Variants in CWH43 observed in about 807,000 individuals in gnomAD.
CWH43 encodes the protein cell wall biogenesis 43 C-terminal homolog.
CWH43 carries 91 observed loss-of-function variants against 85.7 expected under a neutral mutation model. The ratio of observed to expected loss-of-function variants is 1.06; its 90% confidence interval spans 0.90 to 1.26. CWH43 has a LOEUF of 1.26. CWH43 is among the 50% of genes most tolerant of loss of function. The pLI is 0.00. For synonymous variants in CWH43, 323 were observed against 293.6 expected (o/e 1.10, Z -1.02); for missense variants, 869 against 839.2 (o/e 1.04, Z -0.44).
rs146800586 is a variant in CWH43 at position 49,030,857 on chromosome 4, G to T, written c.1405G>T (p.Ala469Ser). 7.0e-4 allele frequency: 1,106 copies of T among 1,589,954 alleles called. 1 individual carries two copies. Among genetic ancestry groups the T allele is most frequent in the Non-Finnish European group, 8.9e-4 (1,046 of 1,172,278 alleles). ...TTTCATAACAATTTTGGAGAGTGAT[G>T]CTTCTAAGCCCTATATGGGGAACAA... Reference protein sequence around the residue: ...ADFITILESDASKPYMGNNDL... With the variant: ...ADFITILESDSSKPYMGNNDL... The change falls in exon 11 of 16, where the codon GCT becomes TCT. Residue 469 changes from alanine (A) to serine (S), a missense_variant. This residue lies in a region of CWH43 where 577 missense variants were observed against 513.1 expected (regional missense o/e 1.12). Transcript: ENST00000226432.
intron 9 of CWH43, among the ~76,000 whole-genome samples, chr4:49,020,416 C>CACACACACATATATAT (rs140534523): frequency 7.8e-6 from 1 of 128,340 alleles, no homozygotes; most frequent in African/African-American, 2.7e-5. Context: ...CACACACACA[C>CACACACACATATATAT]ATATATATAT....
At chr4:49,060,397 A>G (rs1289974114) in intron 15 of CWH43, among the ~76,000 whole-genome samples, 1 of 151,676 alleles carries the variant, frequency 6.6e-6, no homozygotes, top group Non-Finnish European at 1.5e-5. Context: ...GTGGGGATGG[A>G]GCCTGAATTT....
In CWH43 at chr4:48,991,818, T is replaced by C. The variant is rs1782669438; in HGVS notation, c.357-118T>C. The C allele has an allele frequency of 1.1e-5, 11 of 968,008 alleles. 1 individual carries two copies. Among genetic ancestry groups the C allele is most frequent in the Middle Eastern group, 3.4e-4 (1 of 2,942 alleles). The allele number at this position is 968,008 out of a possible 1,614,324, so 60.0% of individuals were successfully genotyped here. A position where few individuals can be genotyped will look rare whatever the true frequency, so the allele number is the denominator to read the frequency against. ...TATATAGAGGCTAAATCACATTCAT[T>C]ATTGCAAATTACCAATAAGACTATT... On this transcript the variant is annotated intron_variant, in intron 3 of 15. Transcript: ENST00000226432.
At chr4:49,032,241 T>G (rs1196024023) in intron 11 of CWH43, among the ~76,000 whole-genome samples, 1 of 152,208 alleles carries the variant, frequency 6.6e-6, no homozygotes, top group African/African-American at 2.4e-5. Flanking sequence ...TTGATTAATA[T>G]TAGAATTGTT....
chr4:48,991,997 T>A lies in CWH43; in HGVS notation c.418T>A (p.Tyr140Asn), dbSNP rs780587094. 2 of 1,613,888 alleles carry A rather than the reference T, an allele frequency of 1.2e-6. No individual in the cohort carries two copies. The highest frequency in any genetic ancestry group is 1.7e-5 in the Admixed American group (1 of 60,010). The change falls in exon 4 of 16, where the codon TAT becomes AAT. Residue 140 changes from tyrosine (Y) to asparagine (N), a missense_variant. Tyr to Asn is a moderately radical substitution (Grantham distance 143, BLOSUM62 -2). Coordinates refer to ENST00000226432, the MANE Select transcript of CWH43 (RefSeq NM_025087.3). ...TGTTCTTGTTGTTCTACGCATATGG[T>A]ATACTTCACTAAACCCAATCTGGAG... is the stretch of plus-strand genomic sequence containing the variant. ...QIVLVVLRIW[Y>N]TSLNPIWSYQ...
intron 13 of CWH43, among the ~76,000 whole-genome samples, chr4:49,038,629 C>T (rs1784338492): frequency 6.6e-6 from 1 of 152,164 alleles, no homozygotes; most frequent in African/African-American, 2.4e-5. Context: ...TATACTGTTA[C>T]TTCCACTGTC....
chr4:48,996,672 T>C (rs1201899145), intron 5 of CWH43, among the ~76,000 whole-genome samples: 1 of 152,162 alleles, frequency 6.6e-6, no homozygotes, highest in Non-Finnish European at 1.5e-5. Context: ...GGAAGAACTT[T>C]AATGGTAAAT....
chr4:49,003,954 G>T lies in CWH43; in HGVS notation c.1022G>T (p.Gly341Val). ...AWCTAFKFVPGGVYARERSDV... is the reference protein window; with the variant it reads ...AWCTAFKFVPVGVYARERSDV... ...TGCACAGCTTTTAAGTTTGTCCCAGGAGGTGTCTACGCTAGAGAAAGATCA... is the reference window on the plus strand; with the variant it reads ...TGCACAGCTTTTAAGTTTGTCCCAGTAGGTGTCTACGCTAGAGAAAGATCA... The change falls in exon 7 of 16, where the codon GGA becomes GTA. Residue 341 changes from glycine to valine, a missense_variant. Physicochemically the swap from Gly to Val is moderately radical, Grantham distance 109 (BLOSUM62 -3). Around this residue, in one of 3 missense-constraint regions of CWH43, gnomAD observed 577 missense variants for 513.1 expected, o/e 1.12. Coordinates refer to ENST00000226432, the MANE Select transcript of CWH43 (RefSeq NM_025087.3). 1 of 1,613,270 alleles carries T rather than the reference G, an allele frequency of 6.2e-7. No homozygotes were observed. Among genetic ancestry groups the T allele is most frequent in the Non-Finnish European group, 8.5e-7 (1 of 1,179,822 alleles).
At position 48,991,968 on chromosome 4, in the gene CWH43, A is replaced by G. The variant is rs775550836; in HGVS notation, c.389A>G (p.Gln130Arg). The G allele has an allele frequency of 2.5e-6, 4 of 1,613,828 alleles. No individual in the cohort carries two copies. The highest frequency in any genetic ancestry group is 3.4e-6 in the Non-Finnish European group (4 of 1,179,886). ...AGAATTTGGGGATTCATTTTAGGACAGATTGTTCTTGTTGTTCTACGCATA... is the reference window on the plus strand; with the variant it reads ...AGAATTTGGGGATTCATTTTAGGACGGATTGTTCTTGTTGTTCTACGCATA... ...YLRIWGFILG[Q>R]IVLVVLRIWY... The change falls in exon 4 of 16, where the codon CAG (glutamine) becomes CGG (arginine). Residue 130 changes from glutamine to arginine, a missense_variant. Gln to Arg is a conservative substitution (Grantham distance 43). Transcript: ENST00000226432.
intron 12 of CWH43, among the ~76,000 whole-genome samples, chr4:49,036,577 C>G (rs1784267820): frequency 1.3e-5 from 2 of 152,148 alleles, no homozygotes. Context: ...TTGTCATTTT[C>G]CCCCTTAACA....
intron 8 of CWH43, chr4:49,016,809 G>C: frequency 1.3e-6 from 1 of 777,038 alleles, no homozygotes; most frequent in Non-Finnish European, 2.4e-6. Context: ...CTCTGCCAGA[G>C]CACGGGCCAC....
Position 49,017,345 on chromosome 4 carries a change from C to G in CWH43, c.1266+17C>G. On this transcript the variant is annotated intron_variant, in intron 9 of 15. Coordinates refer to ENST00000226432, the MANE Select transcript of CWH43 (RefSeq NM_025087.3). ...GGCAAAGTGGTAAGTAATTAAAAAC[C>G]TTGAAATAGAATTTTATATGGTATA... 6.5e-7 allele frequency: 1 copy of G among 1,540,082 alleles called. No homozygotes were observed. Among genetic ancestry groups the G allele is most frequent in the South Asian group, 1.1e-5 (1 of 87,602 alleles).
Position 48,994,772 on chromosome 4 carries a change from G to A in CWH43, c.665G>A (p.Trp222Ter). The A allele has an allele frequency of 1.2e-6, 2 of 1,613,980 alleles. No homozygotes were observed. The highest frequency in any genetic ancestry group is 1.7e-6 in the Non-Finnish European group (2 of 1,180,022). ...VFGEVSLVSR[W>*]AVSGHPHPGP... ...GGAGAAGTCTCTCTTGTTTCCAGAT[G>A]GGCAGTGAGTGGGCATCCACATCCA... The change falls in exon 5 of 16, where the codon TGG becomes TAG. Residue 222 changes from tryptophan (W) to a stop codon, truncating the protein, a stop_gained. Coordinates refer to ENST00000226432, the MANE Select transcript of CWH43 (RefSeq NM_025087.3). LOFTEE classifies it high-confidence loss of function.
intron 8 of CWH43, among the ~76,000 whole-genome samples, chr4:49,016,140 G>A (rs564104445): frequency 6.6e-6 from 1 of 152,330 alleles, no homozygotes; most frequent in East Asian, 1.9e-4. Context: ...GGTTTAAAGA[G>A]TGGTTGATGT....
At chr4:49,044,869 T>G (rs780906572) in intron 14 of CWH43, 22 bp downstream of exon 14, 74 of 1,597,458 alleles carry the variant, frequency 4.6e-5, no homozygotes, top group Admixed American at 1.3e-4. Flanking sequence ...GGTTTGATTT[T>G]GTTTTTAATC....
intron 8 of CWH43, 180 bp from the exon 9 acceptor site, chr4:49,017,069 G>T: frequency 2.7e-6 from 2 of 736,274 alleles, no homozygotes; most frequent in South Asian, 2.9e-5. Context: ...CCTTGGTCAC[G>T]TTCAGTGTCA....
At chr4:49,021,051 T>C (rs1348821188) in intron 9 of CWH43, among the ~76,000 whole-genome samples, 1 of 152,238 alleles carries the variant, frequency 6.6e-6, no homozygotes, top group East Asian at 1.9e-4. Flanking sequence ...CAGAAGTTTT[T>C]AGTTTAATTA....
Position 48,986,485 on chromosome 4 carries a change from C to G in CWH43, c.43+13C>G, listed in dbSNP as rs777614008. ...GAGTCGCTGCTGGGTAAGCCGAAGC[C>G]CCTCGCCGCGAGTTCGCGGGTGCCA... On this transcript the variant is annotated intron_variant, in intron 1 of 15. Coordinates refer to ENST00000226432, the MANE Select transcript of CWH43 (RefSeq NM_025087.3). 3.2e-6 allele frequency: 5 copies of G among 1,552,792 alleles called. No homozygotes were observed. Among genetic ancestry groups the G allele is most frequent in the Non-Finnish European group, 3.5e-6 (4 of 1,147,810 alleles).
In CWH43 at chr4:49,028,656, A is replaced by T; in HGVS notation, c.1294A>T (p.Ile432Phe). Residue 432 changes from isoleucine to phenylalanine, a missense_variant, in exon 10 of 16, where the codon ATC (isoleucine) becomes TTC (phenylalanine). Physicochemically the swap from Ile to Phe is conservative, Grantham distance 21 (BLOSUM62 0). Coordinates refer to ENST00000226432, the MANE Select transcript of CWH43 (RefSeq NM_025087.3). Reference sequence around the variant, plus strand: ...ACCAACCAAAGAGGTCTCTGCTGCCATCTGGCCTTTCAGGTTTGGATATGA... The same window carrying T: ...ACCAACCAAAGAGGTCTCTGCTGCCTTCTGGCCTTTCAGGTTTGGATATGA... ...VAPTKEVSAA[I>F]WPFRFGYDNE... The T allele has an allele frequency of 1.2e-6, 2 of 1,613,848 alleles. No individual in the cohort carries two copies. The highest frequency in any genetic ancestry group is 1.7e-6 in the Non-Finnish European group (2 of 1,179,802).
Sources: allele counts gnomAD v4.1 joint callset (sites outside exome capture counted in the v4.1 genomes callset), GRCh38; gene constraint gnomAD v4.1.1; regional missense constraint gnomAD v4.1.1; transcripts MANE v1.5; gene names NCBI Gene and HGNC (gene_info 2026-07-23, HGNC 2026-07-21).